ZC3H13: variants seen among roughly 807,000 people sequenced by gnomAD.
The protein encoded by ZC3H13 is zinc finger CCCH-type containing 13.
A neutral mutation model predicts 204.1 loss-of-function variants in ZC3H13; 64 were observed. The ratio of observed to expected loss-of-function variants is 0.31; its 90% confidence interval spans 0.26 to 0.39. The LOEUF is 0.39. ZC3H13 is among the 10% of genes least tolerant of loss of function. ZC3H13 has a pLI of 1.00. For missense variants in ZC3H13, 1,833 were observed against 2,082.7 expected, an observed-to-expected ratio of 0.88 and a Z score of 2.33; for synonymous variants, 667 against 693.7, an observed-to-expected ratio of 0.96 and a Z score of 0.60.
chr13:45,980,102 T>C lies in ZC3H13; in HGVS notation c.1721-98A>G, dbSNP rs1194225967. On this transcript the variant is annotated intron_variant, in intron 10 of 18. Transcript: ENST00000679008. ...TCCTCCTAAACATCACTAATATATA[T>C]ATTTAATATTCCAAAGTGTGGTAAT... The C allele has an allele frequency of 6.9e-6, 7 of 1,019,586 alleles. No individual in the cohort carries two copies. The African/African-American group carries it at 8.5e-5, about 12-fold the overall frequency. 63.2% of individuals were successfully genotyped at this position (1,019,586 alleles called of 1,614,324 possible). A position where few individuals can be genotyped will look rare whatever the true frequency, so the allele number is the denominator to read the frequency against.
chr13:45,988,727 TACA>T (rs2039741605), intron 9 of ZC3H13, 57 bp downstream of exon 9: 2 of 1,528,678 alleles, frequency 1.3e-6, no homozygotes, highest in Non-Finnish European at 1.8e-6. Context: ...CATCTCTTAG[TACA>T]ACAATAAAGC....
chr13:46,046,200 G>A (rs953701260), intron 1 of ZC3H13, among the ~76,000 whole-genome samples: 1 of 152,084 alleles, frequency 6.6e-6, no homozygotes, highest in African/African-American at 2.4e-5. Context: ...AGAAAAAGTC[G>A]AGGTGTTTCT....
At chr13:46,028,562 C>T (rs2042684766) in intron 4 of ZC3H13, among the ~76,000 whole-genome samples, 1 of 152,052 alleles carries the variant, frequency 6.6e-6, no homozygotes, top group Non-Finnish European at 1.5e-5. Flanking sequence ...ACATTCTGGG[C>T]CATAAAACAC....
At chr13:46,043,580 T>G (rs1398597520) in intron 3 of ZC3H13, among the ~76,000 whole-genome samples, 1 of 152,004 alleles carries the variant, frequency 6.6e-6, no homozygotes, top group Non-Finnish European at 1.5e-5. Context: ...AAAAGTCTTG[T>G]ATATAAACAT....
intron 15 of ZC3H13, 116 bp from the exon 16 acceptor site, chr13:45,965,548 C>G (rs932024471): frequency 2.1e-5 from 19 of 915,968 alleles, no homozygotes; most frequent in Non-Finnish European, 2.7e-5. Flanking sequence ...ATCTTTTCAT[C>G]AGAAAACTGT....
At chr13:46,021,888 G>A (rs1016676226) in intron 4 of ZC3H13, among the ~76,000 whole-genome samples, 1 of 151,914 alleles carries the variant, frequency 6.6e-6, no homozygotes, top group African/African-American at 2.4e-5. Flanking sequence ...TAAACCCACT[G>A]TAAATATACA....
At chr13:46,013,142 G>C (rs1002328493) in intron 5 of ZC3H13, among the ~76,000 whole-genome samples, 1 of 152,160 alleles carries the variant, frequency 6.6e-6, no homozygotes, top group Non-Finnish European at 1.5e-5. Context: ...TCAGCCAGGC[G>C]CAGTGGCTCA....
intron 4 of ZC3H13, among the ~76,000 whole-genome samples, chr13:46,040,024 G>A (rs572101213): frequency 1.4e-4 from 22 of 152,164 alleles, no homozygotes; most frequent in African/African-American, 5.1e-4. Context: ...TAATACACAC[G>A]CTTAGCCCCA....
intron 5 of ZC3H13, among the ~76,000 whole-genome samples, chr13:46,015,787 G>A (rs577815809): frequency 6.6e-6 from 1 of 152,142 alleles, no homozygotes; most frequent in South Asian, 2.1e-4. Flanking sequence ...TAGGGAATTT[G>A]AAACAGGAAA....
intron 4 of ZC3H13, among the ~76,000 whole-genome samples, chr13:46,040,229 A>C (rs1566352593): frequency 6.6e-6 from 1 of 152,184 alleles, no homozygotes; most frequent in Non-Finnish European, 1.5e-5. Context: ...AATAAGTTTC[A>C]CAAATTATAA....
At chr13:45,975,151 T>G in intron 12 of ZC3H13, 132 bp downstream of exon 12, 1 of 1,404,508 alleles carries the variant, frequency 7.1e-7, no homozygotes, top group Non-Finnish European at 9.4e-7. Flanking sequence ...ATATACTAAA[T>G]TTGAAAAACA....
Position 46,010,354 on chromosome 13 carries a change from T to C in ZC3H13, c.740A>G (p.Gln247Arg). 8 of 1,611,684 alleles carry C rather than the reference T, an allele frequency of 5.0e-6. No individual in the cohort carries two copies. The highest frequency in any genetic ancestry group is 6.8e-6 in the Non-Finnish European group (8 of 1,178,108). ...TSAVSSPLLD[Q>R]QRNSKTNQSK... ...TATTTATCACCCTACTGACCTCTGCTGGTCCAACAGGGGAGAAGATACTGC... is the reference window on the plus strand; with the variant it reads ...TATTTATCACCCTACTGACCTCTGCCGGTCCAACAGGGGAGAAGATACTGC... Residue 247 changes from glutamine to arginine, a missense_variant, in exon 7 of 19, where the codon CAG (glutamine) becomes CGG (arginine). Gln to Arg is a conservative substitution (Grantham distance 43, BLOSUM62 1). This residue lies in a region of ZC3H13 where 1,574 missense variants were observed against 1,757.2 expected (regional missense o/e 0.90). Transcript: ENST00000679008.
intron 10 of ZC3H13, among the ~76,000 whole-genome samples, chr13:45,981,095 C>CT (rs1033027077): frequency 4.1e-4 from 62 of 152,132 alleles, no homozygotes; most frequent in African/African-American, 1.4e-3. Flanking sequence ...TAAAAAAAAG[C>CT]TTTTTTTGAG....
At chr13:45,968,672 T>A in intron 14 of ZC3H13, 76 bp downstream of exon 14, 1 of 1,491,936 alleles carries the variant, frequency 6.7e-7, no homozygotes, top group African/African-American at 1.4e-5. Context: ...CAATTTAGCA[T>A]TACTTTAGAA....
chr13:46,001,294 G>C (rs1344222070), intron 8 of ZC3H13: 1 of 152,066 alleles, frequency 6.6e-6, no homozygotes, highest in African/African-American at 2.4e-5. Flanking sequence ...CAGAGTAATG[G>C]AGACAAATGA....
chr13:45,968,253 TCTCA>T (rs1245970596), intron 14 of ZC3H13, among the ~76,000 whole-genome samples: 4 of 152,028 alleles, frequency 2.6e-5, no homozygotes, highest in Non-Finnish European at 2.9e-5. Flanking sequence ...AAAATTCCTC[TCTCA>T]AAGTTCTAAT....
At chr13:45,965,227 T>C in intron 16 of ZC3H13, 53 bp downstream of exon 16, 1 of 1,583,280 alleles carries the variant, frequency 6.3e-7, no homozygotes, top group Non-Finnish European at 8.6e-7. Flanking sequence ...AATAATACTT[T>C]AATATCATAT....
intron 12 of ZC3H13, among the ~76,000 whole-genome samples, chr13:45,974,465 A>G (rs781239408): frequency 5.3e-5 from 8 of 152,232 alleles, no homozygotes; most frequent in Non-Finnish European, 8.8e-5. Flanking sequence ...AGCAAAAGCT[A>G]ATCTCCAACT....
At chr13:46,034,864 T>G (rs143108950) in intron 4 of ZC3H13, among the ~76,000 whole-genome samples, 2 of 152,166 alleles carry the variant, frequency 1.3e-5, no homozygotes, top group East Asian at 3.8e-4. Context: ...GAGAAATCAG[T>G]AAAAACTCAT....
Sources: gnomAD v4.1 joint callset for allele counts (sites outside exome capture counted in the v4.1 genomes callset) on GRCh38, gnomAD v4.1.1 for gene constraint, gnomAD v4.1.1 regional missense constraint, MANE v1.5 for transcripts, NCBI Gene and HGNC (gene_info 2026-07-23, HGNC 2026-07-21) for gene names.